The following BBS10 variants were observed in gnomAD, a reference collection of about 807,000 sequenced individuals.
The protein encoded by BBS10 is BBSome complex assembly protein BBS10.
BBS10 carries 13 observed loss-of-function variants against 12.7 expected under a neutral mutation model. The observed-to-expected ratio is 1.03, with a 90% CI of 0.67 to 1.63. The LOEUF (loss-of-function observed/expected upper bound fraction) is 1.63. Among genes scored for constraint, BBS10 ranks in the 40% most tolerant of loss-of-function variants. BBS10 has a pLI of 0.00. For synonymous variants in BBS10, 294 were observed against 304.8 expected, an observed-to-expected ratio of 0.96 and a Z score of 0.37; for missense variants, 858 against 858.0, an observed-to-expected ratio of 1.00 and a Z score of 0.00.
chr12:76,346,137 A>C lies in BBS10; in HGVS notation c.1848T>G (p.Asn616Lys), dbSNP rs1450144958. 2 of 1,609,532 alleles carry C rather than the reference A, an allele frequency of 1.2e-6. No homozygotes were observed. Among genetic ancestry groups the C allele is most frequent in the African/African-American group, 1.3e-5 (1 of 74,790 alleles). ...FEILLHYYLL[N>K]YAKKCHQSEE... ...CTGATTGATGGCATTTTTTGGCATAATTGAGAAGATAGTAATGTAACAAGA... is the reference window on the plus strand; with the variant it reads ...CTGATTGATGGCATTTTTTGGCATACTTGAGAAGATAGTAATGTAACAAGA... Residue 616 changes from asparagine (N) to lysine (K), a missense_variant, in exon 2 of 2, where the codon AAT becomes AAG. Asn to Lys is a moderately conservative substitution (Grantham distance 94, BLOSUM62 0). Coordinates refer to ENST00000650064, the MANE Select transcript of BBS10 (RefSeq NM_024685.4).
chr12:76,346,983 T>G lies in BBS10; in HGVS notation c.1002A>C (p.Leu334Phe). 1 of 1,611,398 alleles carries G rather than the reference T, an allele frequency of 6.2e-7. No individual in the cohort carries two copies. The highest frequency in any genetic ancestry group is 8.5e-7 in the Non-Finnish European group (1 of 1,179,982). Residue 334 changes from leucine (L) to phenylalanine (F), a missense_variant, in exon 2 of 2, where the codon TTA becomes TTC. Coordinates refer to ENST00000650064, the MANE Select transcript of BBS10 (RefSeq NM_024685.4). ...GGATAAGAGAAACTTCTTCTGATGA[T>G]AAACACTCAACCACTGATATGCCAT... The part of the protein sequence containing the change: ...GVNGISVVEC[L>F]SSEEVSLIRR...
Position 76,346,471 on chromosome 12 carries a change from G to A in BBS10, c.1514C>T (p.Pro505Leu), listed in dbSNP as rs56867176. 1.6e-4 allele frequency: 253 copies of A among 1,613,918 alleles called. No individual in the cohort carries two copies. Among genetic ancestry groups the A allele is most frequent in the Non-Finnish European group, 2.0e-4 (240 of 1,179,950 alleles). The change falls in exon 2 of 2, where the codon CCG (proline) becomes CTG (leucine). Residue 505 changes from proline (P) to leucine (L), a missense_variant. Coordinates refer to ENST00000650064, the MANE Select transcript of BBS10 (RefSeq NM_024685.4). ...IPDVELETYI[P>L]YSTPTLTPTD... ...TGGTGTCAGTGTGGGGGTTGAATAC[G>A]GAATATATGTTTCTAATTCTACATC...
In BBS10 at chr12:76,345,515, CTA is replaced by C. The variant is rs1433351592; in HGVS notation, c.*296_*297del. The stretch of plus-strand genomic sequence containing the variant: ...AAAGATACAGGAGAGTAAAAAGGAG[CTA>C]TAAAGAAAAACCCTCCCCTAAACAC... On this transcript the variant is annotated 3_prime_UTR_variant, in exon 2 of 2. Coordinates refer to ENST00000650064, the MANE Select transcript of BBS10 (RefSeq NM_024685.4). 3 of 317,470 alleles carry C rather than the reference CTA, an allele frequency of 9.4e-6. No homozygotes were observed. The highest frequency in any genetic ancestry group is 2.1e-5 in the African/African-American group (1 of 47,318). The allele number at this position is 317,470 out of a possible 1,614,324, so 19.7% of individuals were successfully genotyped here.
In BBS10 at chr12:76,346,218, G is replaced by C; in HGVS notation, c.1767C>G (p.Tyr589Ter). The change falls in exon 2 of 2, where the codon TAC becomes TAG. Residue 589 changes from tyrosine to a stop codon, truncating the protein, a stop_gained. Coordinates refer to ENST00000650064, the MANE Select transcript of BBS10 (RefSeq NM_024685.4). LOFTEE classifies it high-confidence loss of function. ...AACCAGCTGGCATAGATGAGGAAAGGTAACTCTGGGAAGTACCCATATTCG... is the reference window on the plus strand; with the variant it reads ...AACCAGCTGGCATAGATGAGGAAAGCTAACTCTGGGAAGTACCCATATTCG... ...KLPNMGTSQS[Y>*]LSSSMPAGCV... is the part of the protein sequence containing the mutation. The C allele has an allele frequency of 6.2e-7, 1 of 1,611,704 alleles. No individual in the cohort carries two copies. The highest frequency in any genetic ancestry group is 8.5e-7 in the Non-Finnish European group (1 of 1,179,124).
In BBS10 at chr12:76,346,545, C is replaced by G. The variant is rs1174795074; in HGVS notation, c.1440G>C (p.Leu480Phe). Residue 480 changes from leucine (L) to phenylalanine (F), a missense_variant, in exon 2 of 2, where the codon TTG (leucine) becomes TTC (phenylalanine). Physicochemically the swap from Leu to Phe is conservative, Grantham distance 22 (BLOSUM62 0). Coordinates refer to ENST00000650064, the MANE Select transcript of BBS10 (RefSeq NM_024685.4). ...CTTTTAAATATGTTTGAGTTTTTTCCAATGCATCTTTGTTCTCTGCAACTG... is the reference window on the plus strand; with the variant it reads ...CTTTTAAATATGTTTGAGTTTTTTCGAATGCATCTTTGTTCTCTGCAACTG... ...QDTVAENKDA[L>F]EKTQTYLKVH... 6.8e-6 allele frequency: 11 copies of G among 1,613,864 alleles called. No homozygotes were observed. Among genetic ancestry groups the G allele is most frequent in the African/African-American group, 2.7e-5 (2 of 74,880 alleles).
intron 1 of BBS10, 31 bp downstream of exon 1, chr12:76,348,131 G>T: frequency 2.5e-6 from 4 of 1,585,656 alleles, no homozygotes; most frequent in Non-Finnish European, 3.4e-6. Flanking sequence ...TGGGGTGCCC[G>T]GCTACGGGTT....
In BBS10 at chr12:76,346,419, C is replaced by G; in HGVS notation, c.1566G>C (p.Thr522=). 1 of 1,614,086 alleles carries G rather than the reference C, an allele frequency of 6.2e-7. No homozygotes were observed. The change falls in exon 2 of 2, where the codon ACG becomes ACC. Residue 522 remains threonine, a synonymous_variant. Transcript: ENST00000650064. ...TPTDTFQTVE[T]LTCLSLERNR... ...TTCTTTCCAAAGACAAACATGTCAG[C>G]GTTTCAACTGTTTGGAATGTATCTG...
At chr12:76,347,849 C>A in intron 1 of BBS10, 62 bp from the exon 2 acceptor site, 1 of 1,487,946 alleles carries the variant, frequency 6.7e-7, no homozygotes, top group East Asian at 2.3e-5. Context: ...ATCTTAAAAC[C>A]ATGTTTACAC....
At position 76,346,546 on chromosome 12, in the gene BBS10, A is replaced by C; in HGVS notation, c.1439T>G (p.Leu480Trp). 1 of 1,614,136 alleles carries C rather than the reference A, an allele frequency of 6.2e-7. No homozygotes were observed. Among genetic ancestry groups the C allele is most frequent in the Non-Finnish European group, 8.5e-7 (1 of 1,179,998 alleles). The change falls in exon 2 of 2, where the codon TTG becomes TGG. Residue 480 changes from leucine to tryptophan, a missense_variant. Leu to Trp is a moderately conservative substitution (Grantham distance 61). Coordinates refer to ENST00000650064, the MANE Select transcript of BBS10 (RefSeq NM_024685.4). Reference protein sequence around the residue: ...QDTVAENKDALEKTQTYLKVH... With the variant: ...QDTVAENKDAWEKTQTYLKVH... ...TTTTAAATATGTTTGAGTTTTTTCC[A>C]ATGCATCTTTGTTCTCTGCAACTGT...
At chr12:76,348,140 T>TTAGC (rs1055440105) in intron 1 of BBS10, 22 bp downstream of exon 1, 1 of 1,597,706 alleles carries the variant, frequency 6.3e-7, no homozygotes, top group African/African-American at 1.3e-5. Flanking sequence ...CGGCTACGGG[T>TTAGC]TAGCGTGTGG....
rs1427297954 is a variant in BBS10 at position 76,344,601 on chromosome 12, TATA to T, written c.*1209_*1211del. On this transcript the variant is annotated 3_prime_UTR_variant, in exon 2 of 2. Coordinates refer to ENST00000650064, the MANE Select transcript of BBS10 (RefSeq NM_024685.4). Reference sequence around the variant, plus strand: ...TTTAAAAAATCAGAATTACATTTAATATAAAAAATTTTGATATTATAGTTTTTA... The same window carrying T: ...TTTAAAAAATCAGAATTACATTTAATAAAAATTTTGATATTATAGTTTTTA... 1.3e-5 allele frequency: 2 copies of T among 152,208 alleles called. No homozygotes were observed. The highest frequency in any genetic ancestry group is 2.9e-5 in the Non-Finnish European group (2 of 68,016). The allele number at this position is 152,208 out of a possible 1,614,324, so 9.4% of individuals were successfully genotyped here.
At position 76,348,258 on chromosome 12, in the gene BBS10, C is replaced by G. The variant is rs137852836; in HGVS notation, c.101G>C (p.Arg34Pro). Residue 34 changes from arginine to proline, a missense_variant, in exon 1 of 2, where the codon CGG (arginine) becomes CCG (proline). Coordinates refer to ENST00000650064, the MANE Select transcript of BBS10 (RefSeq NM_024685.4). ...IVSCCVGPEG[R>P]QVLCTKPTGE... ...AGTGGGCTTCGTACACAAAACTTGC[C>G]GTCCCTCGGGCCCCACGCAGCAGCT... 2 of 1,613,576 alleles carry G rather than the reference C, an allele frequency of 1.2e-6. No individual in the cohort carries two copies. The highest frequency in any genetic ancestry group is 1.7e-6 in the Non-Finnish European group (2 of 1,179,758).
In BBS10 at chr12:76,347,409, C is replaced by T. The variant is rs1384872924; in HGVS notation, c.576G>A (p.Gln192=). ...ACTTGAAAAAGTAGTCACACATCAA[C>T]TGTGAAATAAATTTATGATTATTTC... ...VGRNNHKFIS[Q]LMCDYFFKCM... is the part of the protein sequence containing the mutation. Residue 192 remains glutamine, a synonymous_variant, in exon 2 of 2, where the codon CAG becomes CAA. Transcript: ENST00000650064. 3.1e-6 allele frequency: 5 copies of T among 1,613,884 alleles called. No homozygotes were observed. The East Asian group carries it at 1.1e-4, about 36-fold the overall frequency.
Position 76,348,199 on chromosome 12 carries a change from G to A in BBS10, c.160C>T (p.Leu54Phe). 1 of 1,613,374 alleles carries A rather than the reference G, an allele frequency of 6.2e-7. No individual in the cohort carries two copies. Among genetic ancestry groups the A allele is most frequent in the Middle Eastern group, 1.7e-4 (1 of 6,058 alleles). ...EVLLSRNGGR[L>F]LEALHLEHPI... ...TGCTCTAAGTGTAGCGCCTCCAGGA[G>A]GCGGCCTCCATTCCGGCTGAGAAGC... The change falls in exon 1 of 2, where the codon CTC becomes TTC. Residue 54 changes from leucine (L) to phenylalanine (F), a missense_variant. By Grantham distance (22) the Leu-to-Phe change is conservative. Coordinates refer to ENST00000650064, the MANE Select transcript of BBS10 (RefSeq NM_024685.4).
Position 76,345,689 on chromosome 12 carries a change from A to G in BBS10, c.*124T>C. The G allele has an allele frequency of 5.7e-6, 5 of 877,534 alleles. No individual in the cohort carries two copies. The highest frequency in any genetic ancestry group is 2.9e-5 in the South Asian group (2 of 68,286). 54.4% of individuals were successfully genotyped at this position (877,534 alleles called of 1,614,324 possible). A position where few individuals can be genotyped will look rare whatever the true frequency, so the allele number is the denominator to read the frequency against. On this transcript the variant is annotated 3_prime_UTR_variant, in exon 2 of 2. Transcript: ENST00000650064. Reference sequence around the variant, plus strand: ...CTGGTGACCTTAGTGTGCTTCTTCTAAAGACTTTTAAAGTTACGCTATTTT... The same window carrying G: ...CTGGTGACCTTAGTGTGCTTCTTCTGAAGACTTTTAAAGTTACGCTATTTT...
rs1056607592 is a variant in BBS10, at chr12:76,345,602, A to G, written c.*211T>C. The G allele has an allele frequency of 1.5e-5, 8 of 541,372 alleles. No homozygotes were observed. In the Admixed American group the frequency reaches 1.5e-4, roughly 10 times the overall value. The allele number at this position is 541,372 out of a possible 1,614,324, so 33.5% of individuals were successfully genotyped here. On this transcript the variant is annotated 3_prime_UTR_variant, in exon 2 of 2. Transcript: ENST00000650064. ...AAATAGGGAAAAAACAGACACACTTAGCCAAATCTTGGCTTCCCCTCTAGA... is the reference window on the plus strand; with the variant it reads ...AAATAGGGAAAAAACAGACACACTTGGCCAAATCTTGGCTTCCCCTCTAGA...
Position 76,347,226 on chromosome 12 carries a change from AC to A in BBS10, c.758del (p.Gly253ValfsTer6), listed in dbSNP as rs747542753. On this transcript the variant is annotated frameshift_variant, in exon 2 of 2. Coordinates refer to ENST00000650064, the MANE Select transcript of BBS10 (RefSeq NM_024685.4). LOFTEE classifies it low-confidence loss of function (END_TRUNC). ...CTGTTACTATCACCATTCGCATGTCACCATCTGCTGGGCGGTACACAGAAAA... is the reference window on the plus strand; with the variant it reads ...CTGTTACTATCACCATTCGCATGTCACATCTGCTGGGCGGTACACAGAAAA... Reference protein sequence around the residue: ...KDFSVYRPADGDMRMVIVTET... With the variant: ...KDFSVYRPADXDMRMVIVTET... 1 of 1,612,384 alleles carries A rather than the reference AC, an allele frequency of 6.2e-7. No individual in the cohort carries two copies. Among genetic ancestry groups the A allele is most frequent in the Non-Finnish European group, 8.5e-7 (1 of 1,179,984 alleles).
Position 76,348,189 on chromosome 12 carries a change from G to A in BBS10, c.170C>T (p.Ala57Val), listed in dbSNP as rs745942034. 3 of 1,613,112 alleles carry A rather than the reference G, an allele frequency of 1.9e-6. No individual in the cohort carries two copies. The South Asian group carries it at 3.3e-5, about 18-fold the overall frequency. ...LSRNGGRLLE[A>V]LHLEHPIARM... ...GGCTATGGGATGCTCTAAGTGTAGC[G>A]CCTCCAGGAGGCGGCCTCCATTCCG... The change falls in exon 1 of 2, where the codon GCG becomes GTG. Residue 57 changes from alanine (A) to valine (V), a missense_variant. Ala to Val is a moderately conservative substitution (Grantham distance 64, BLOSUM62 0). Transcript: ENST00000650064.
At position 76,347,448 on chromosome 12, in the gene BBS10, A is replaced by T. The variant is rs574032499; in HGVS notation, c.537T>A (p.Cys179Ter). ...SLELLLEAYF[C>*]GRVGRNNHKF... ...TATGATTATTTCTTCCCACTCTTCC[A>T]CAAAAGTATGCTTCTAAGAGCAACT... The change falls in exon 2 of 2, where the codon TGT becomes TGA. Residue 179 changes from cysteine to a stop codon, truncating the protein, a stop_gained. Transcript: ENST00000650064. LOFTEE classifies it low-confidence loss of function (END_TRUNC). 1.2e-6 allele frequency: 2 copies of T among 1,613,786 alleles called. No individual in the cohort carries two copies. The highest frequency in any genetic ancestry group is 2.2e-5 in the South Asian group (2 of 91,074).
Sources: gnomAD v4.1 joint callset for allele counts on GRCh38, gnomAD v4.1.1 for gene constraint, MANE v1.5 for transcripts, NCBI Gene and HGNC (gene_info 2026-07-23, HGNC 2026-07-21) for gene names.